KLF12: variants seen among roughly 807,000 people sequenced by gnomAD.
The protein encoded by KLF12 is KLF transcription factor 12.
A neutral mutation model predicts 37.8 loss-of-function variants in KLF12; 9 were observed. That is an observed-to-expected ratio of 0.24 (90% confidence interval 0.14 to 0.42). KLF12 has a LOEUF of 0.42. Ranked by LOEUF, KLF12 falls within the 10% of genes least tolerant of loss-of-function variation. The pLI, the probability that KLF12 is intolerant of heterozygous loss-of-function variation, is 1.00. For missense variants in KLF12, 411 were observed against 516.0 expected, an observed-to-expected ratio of 0.80 and a Z score of 1.97; for synonymous variants, 208 against 202.1, an observed-to-expected ratio of 1.03 and a Z score of -0.25.
the KLF12 span, among the ~76,000 whole-genome samples, chr13:74,141,241 C>T: frequency 1.8e-4 from 28 of 152,078 alleles, no homozygotes; most frequent in Non-Finnish European, 3.1e-4. Context: ...GAATGGGAAA[C>T]GATCTTATAT....
intron 4 of KLF12, among the ~76,000 whole-genome samples, chr13:73,823,244 T>A (rs1267081416): frequency 6.6e-6 from 1 of 151,742 alleles, no homozygotes; most frequent in Middle Eastern, 3.2e-3. Context: ...ACAGCCCTAG[T>A]CTTAGGTACT....
the KLF12 span, among the ~76,000 whole-genome samples, chr13:74,276,376 G>A: frequency 1.1e-4 from 17 of 152,254 alleles, no homozygotes; most frequent in Admixed American, 1.1e-3. Context: ...GCCTCCCAAA[G>A]TCATATAAAT....
At chr13:74,211,383 A>G in the KLF12 span, among the ~76,000 whole-genome samples, 1 of 151,768 alleles carries the variant, frequency 6.6e-6, no homozygotes, top group African/African-American at 2.4e-5. Flanking sequence ...AGCATTTTAG[A>G]CCTCCCTGAA....
intron 3 of KLF12, among the ~76,000 whole-genome samples, chr13:73,864,963 A>G (rs1208804539): frequency 6.6e-6 from 1 of 152,138 alleles, no homozygotes; most frequent in Admixed American, 6.5e-5. Context: ...TCAATTGTCC[A>G]AGTACAGGTA....
At chr13:74,082,163 T>TAAAAAA (rs57156299) in intron 1 of KLF12, among the ~76,000 whole-genome samples, 75 of 114,718 alleles carry the variant, frequency 6.5e-4, no homozygotes, top group Non-Finnish European at 7.1e-4. Context: ...CCCTGTCTCT[T>TAAAAAA]AAAAAAAAAA....
rs1873532799 is a variant in KLF12 at position 73,687,018 on chromosome 13, C to T, written c.*8472G>A. The T allele has an allele frequency of 6.6e-6, 1 of 152,470 alleles. No homozygotes were observed. Among genetic ancestry groups the T allele is most frequent in the South Asian group, 2.1e-4 (1 of 4,826 alleles). The allele number at this position is 152,470 out of a possible 1,614,324, so 9.4% of individuals were successfully genotyped here. ...ATTGACCCCCACACACCAAGAACAA[C>T]GTCTAGACTACTACTAATTATAACT... On this transcript the variant is annotated 3_prime_UTR_variant, in exon 8 of 8. Transcript: ENST00000377669.
chr13:73,754,686 G>A (rs1459200136), intron 6 of KLF12, among the ~76,000 whole-genome samples: 2 of 152,034 alleles, frequency 1.3e-5, no homozygotes, highest in Non-Finnish European at 2.9e-5. Context: ...GGCAAAAAAT[G>A]CAAAAACCCA....
At chr13:74,122,879 C>T (rs556402422) in intron 1 of KLF12, among the ~76,000 whole-genome samples, 167 of 145,368 alleles carry the variant, frequency 1.1e-3, no homozygotes, top group Non-Finnish European at 2.0e-3. Context: ...CATAATCGTG[C>T]TAAAAACATA....
At chr13:73,996,676 T>G (rs1794838239) in intron 1 of KLF12, among the ~76,000 whole-genome samples, 1 of 152,226 alleles carries the variant, frequency 6.6e-6, no homozygotes, top group Admixed American at 6.5e-5. Context: ...CGTGTAAATC[T>G]GGTGTGCACC....
chr13:73,749,454 C>G (rs539047344), intron 6 of KLF12, among the ~76,000 whole-genome samples: 5 of 152,070 alleles, frequency 3.3e-5, no homozygotes, highest in African/African-American at 9.6e-5. Flanking sequence ...AGACAAAAAG[C>G]CAACAAATTA....
At chr13:73,743,881 T>C (rs1376730560) in intron 6 of KLF12, among the ~76,000 whole-genome samples, 1 of 152,160 alleles carries the variant, frequency 6.6e-6, no homozygotes, top group Non-Finnish European at 1.5e-5. Context: ...AAGAAGTACA[T>C]GGAGGGCTCT....
intron 7 of KLF12, among the ~76,000 whole-genome samples, chr13:73,713,192 G>C (rs975606051): frequency 6.6e-6 from 1 of 152,212 alleles, no homozygotes; most frequent in African/African-American, 2.4e-5. Context: ...ACCGGGGCCA[G>C]TGAGTGAAAA....
chr13:73,926,926 G>T (rs1322071861), intron 3 of KLF12, among the ~76,000 whole-genome samples: 1 of 123,092 alleles, frequency 8.1e-6, no homozygotes, highest in African/African-American at 2.7e-5. Context: ...ACTCAACTCC[G>T]TGTCTCCTTT....
At chr13:74,149,907 C>T in the KLF12 span, among the ~76,000 whole-genome samples, 1 of 152,174 alleles carries the variant, frequency 6.6e-6, no homozygotes, top group African/African-American at 2.4e-5. Flanking sequence ...GGGACTCTGC[C>T]CCTAGATATG....
chr13:73,750,034 T>C (rs1249244296), intron 6 of KLF12, among the ~76,000 whole-genome samples: 1 of 152,176 alleles, frequency 6.6e-6, no homozygotes, highest in Non-Finnish European at 1.5e-5. Context: ...AGGTCTAAAA[T>C]CTTAGCTTCT....
At chr13:73,914,597 G>A (rs1487468708) in intron 3 of KLF12, among the ~76,000 whole-genome samples, 1 of 152,192 alleles carries the variant, frequency 6.6e-6, no homozygotes, top group African/African-American at 2.4e-5. Flanking sequence ...ATTTAAACAA[G>A]GTTGGAGAAC....
At chr13:74,195,187 T>A in the KLF12 span, among the ~76,000 whole-genome samples, 1 of 152,290 alleles carries the variant, frequency 6.6e-6, no homozygotes, top group African/African-American at 2.4e-5. Flanking sequence ...TTAAAATGTG[T>A]ATCACCATTC....
intron 2 of KLF12, among the ~76,000 whole-genome samples, chr13:73,979,723 G>A (rs932127643): frequency 1.3e-5 from 2 of 152,162 alleles, no homozygotes; most frequent in African/African-American, 4.8e-5. Context: ...ACATATAATA[G>A]ACTACTGTGA....
Position 74,019,237 on chromosome 13 carries a change from T to A in KLF12, c.-31-24184A>T, listed in dbSNP as rs920498808. Among the ~76,000 whole-genome samples, 5 of 152,210 alleles carry A rather than the reference T, an allele frequency of 3.3e-5. No homozygotes were observed. In the East Asian group the frequency reaches 9.6e-4, roughly 29 times the overall value. ...TGCAGAAATTAGGATTGGTCTTGTCTACTGAAGTTCAAGTTTTTAAGTGGT... is the reference window on the plus strand; with the variant it reads ...TGCAGAAATTAGGATTGGTCTTGTCAACTGAAGTTCAAGTTTTTAAGTGGT... On this transcript the variant is annotated intron_variant, in intron 1 of 7. Transcript: ENST00000377669.
Sources: allele counts gnomAD v4.1 joint callset (sites outside exome capture counted in the v4.1 genomes callset), GRCh38; gene constraint gnomAD v4.1.1; transcripts MANE v1.5; gene names NCBI Gene and HGNC (gene_info 2026-07-23, HGNC 2026-07-21).